The following FMN2 variants were observed in gnomAD, a reference collection of about 807,000 sequenced individuals.
FMN2 encodes the protein formin-2.
A neutral mutation model predicts 142.3 loss-of-function variants in FMN2; 51 were observed. The ratio of observed to expected loss-of-function variants is 0.36; its 90% CI spans 0.29 to 0.45. The LOEUF (loss-of-function observed/expected upper bound fraction) is 0.45, where lower values mean the gene tolerates loss of function less well. Ranked by LOEUF, FMN2 falls within the 20% of genes least tolerant of loss-of-function variation. The pLI, the probability that FMN2 is intolerant of heterozygous loss-of-function variation, is 1.00. For missense variants in FMN2, 1,936 were observed against 2,122.8 expected, an observed-to-expected ratio of 0.91 and a Z score of 1.73; for synonymous variants, 882 against 869.8, an observed-to-expected ratio of 1.01 and a Z score of -0.25.
chr1:240,218,140 G>T (rs529322705), intron 6 of FMN2, among the ~76,000 whole-genome samples: 1 of 152,094 alleles, frequency 6.6e-6, no homozygotes, highest in Admixed American at 6.6e-5. Context: ...AAAATTAGCT[G>T]GGCGTGATGG....
intron 4 of FMN2, among the ~76,000 whole-genome samples, chr1:240,199,125 A>G (rs923613222): frequency 6.6e-6 from 1 of 151,646 alleles, no homozygotes; most frequent in African/African-American, 2.4e-5. Context: ...CAAACAAAAA[A>G]CAATATGACA....
chr1:240,233,710 C>G (rs1191743716), intron 6 of FMN2, among the ~76,000 whole-genome samples: 1 of 152,034 alleles, frequency 6.6e-6, no homozygotes, highest in East Asian at 1.9e-4. Flanking sequence ...TAGGACCTTA[C>G]AAAGAATAGG....
chr1:240,127,614 A>G (rs1662567690), intron 2 of FMN2, among the ~76,000 whole-genome samples: 1 of 152,050 alleles, frequency 6.6e-6, no homozygotes, highest in Non-Finnish European at 1.5e-5. Flanking sequence ...AGTAGCTGGA[A>G]CTATAGGCAT....
Position 240,468,206 on chromosome 1 carries a change from A to ATGTGTGTG in FMN2, c.5061-4146_5061-4139dup, listed in dbSNP as rs199866888. ...AATGCATCCACTAAAATATATATAT[A>ATGTGTGTG]TGTGTGTGTGTGTGTGTGTGTGTGT... On this transcript the variant is annotated intron_variant, in intron 16 of 17. Transcript: ENST00000319653. Among the ~76,000 whole-genome samples the ATGTGTGTG allele has an allele frequency of 6.2e-3, 923 of 147,960 alleles. 24 individuals are homozygous for ATGTGTGTG. The highest frequency in any genetic ancestry group is 0.021 in the African/African-American group (835 of 39,974).
At chr1:240,212,733 G>A (rs956822046) in intron 6 of FMN2, among the ~76,000 whole-genome samples, 5 of 152,156 alleles carry the variant, frequency 3.3e-5, no homozygotes, top group African/African-American at 7.2e-5. Flanking sequence ...CTGAATCATC[G>A]TATCTCCTCT....
At chr1:240,266,226 T>A (rs1434824577) in intron 7 of FMN2, among the ~76,000 whole-genome samples, 1 of 151,926 alleles carries the variant, frequency 6.6e-6, no homozygotes, top group Non-Finnish European at 1.5e-5. Context: ...ATTGTTGCCA[T>A]CTTTATGTCC....
chr1:240,205,548 G>A (rs1162788674), intron 4 of FMN2, among the ~76,000 whole-genome samples: 4 of 134,472 alleles, frequency 3.0e-5, no homozygotes, highest in Non-Finnish European at 1.5e-5. Flanking sequence ...TGCAAGCTCC[G>A]CCTCCCAGGT....
intron 2 of FMN2, among the ~76,000 whole-genome samples, chr1:240,163,541 A>G (rs892934734): frequency 2.0e-5 from 3 of 152,074 alleles, no homozygotes; most frequent in Admixed American, 1.3e-4. Flanking sequence ...TAAAATTTAC[A>G]TGTTATATCT....
At chr1:240,107,422 A>C (rs1371326560) in intron 1 of FMN2, among the ~76,000 whole-genome samples, 8 of 152,164 alleles carry the variant, frequency 5.3e-5, no homozygotes, top group Admixed American at 5.2e-4. Context: ...CTCTTCAACC[A>C]AGTGATTTTA....
chr1:240,382,956 C>T (rs1421343025), intron 14 of FMN2, among the ~76,000 whole-genome samples: 1 of 151,998 alleles, frequency 6.6e-6, no homozygotes, highest in Non-Finnish European at 1.5e-5. Flanking sequence ...AGAAACAAAG[C>T]CACATATGTA....
chr1:240,238,333 A>G (rs933809157), intron 6 of FMN2, among the ~76,000 whole-genome samples: 1 of 152,190 alleles, frequency 6.6e-6, no homozygotes, highest in Non-Finnish European at 1.5e-5. Flanking sequence ...TATGTTTAAC[A>G]TTGTGTATCC....
chr1:240,160,913 A>C (rs1036554641), intron 2 of FMN2, among the ~76,000 whole-genome samples: 1 of 152,190 alleles, frequency 6.6e-6, no homozygotes. Flanking sequence ...ATGTAAAACC[A>C]ATGCCATTTC....
At chr1:240,123,491 T>C in intron 2 of FMN2, 146 bp downstream of exon 2, 1 of 542,626 alleles carries the variant, frequency 1.8e-6, no homozygotes, top group Non-Finnish European at 2.8e-6. Context: ...CAGCTCGGTA[T>C]GTCTGTTTGT....
In FMN2 at chr1:240,441,882, A is replaced by T. The variant is rs369774457; in HGVS notation, c.5060+3672A>T. Among the ~76,000 whole-genome samples the T allele has an allele frequency of 7.0e-4, 107 of 152,260 alleles. 3 individuals are homozygous for T. The South Asian group carries it at 0.022, about 31-fold the overall frequency. On this transcript the variant is annotated intron_variant, in intron 16 of 17. Coordinates refer to ENST00000319653, the MANE Select transcript of FMN2 (RefSeq NM_020066.5). ...AGTAATAAACATGTTTTCTTGCATAACTTGAGTTGATCATTGTAGGTAATA... is the reference window on the plus strand; with the variant it reads ...AGTAATAAACATGTTTTCTTGCATATCTTGAGTTGATCATTGTAGGTAATA...
At chr1:240,158,426 C>G (rs1411438627) in intron 2 of FMN2, among the ~76,000 whole-genome samples, 1 of 152,136 alleles carries the variant, frequency 6.6e-6, no homozygotes, top group Non-Finnish European at 1.5e-5. Context: ...ATCAATGCCA[C>G]AAGGTTGGCT....
chr1:240,463,329 G>C (rs999004103), intron 16 of FMN2, among the ~76,000 whole-genome samples: 5 of 152,176 alleles, frequency 3.3e-5, no homozygotes, highest in African/African-American at 9.6e-5. Flanking sequence ...TGCATAGAAG[G>C]GGTGGGGAAG....
intron 14 of FMN2, among the ~76,000 whole-genome samples, chr1:240,367,728 A>C (rs1672727382): frequency 7.0e-6 from 1 of 142,568 alleles, no homozygotes; most frequent in African/African-American, 2.7e-5. Flanking sequence ...AGATCACGCC[A>C]CTGCACTCTA....
intron 8 of FMN2, among the ~76,000 whole-genome samples, chr1:240,303,977 G>A (rs1670290490): frequency 6.6e-6 from 1 of 151,884 alleles, no homozygotes; most frequent in East Asian, 1.9e-4. Flanking sequence ...GTTAGTTATT[G>A]TATTTTTCAG....
At chr1:240,345,430 A>C (rs188019609) in intron 13 of FMN2, among the ~76,000 whole-genome samples, 17 of 152,292 alleles carry the variant, frequency 1.1e-4, no homozygotes, top group African/African-American at 4.1e-4. Flanking sequence ...AGAAATGAAA[A>C]TTGATTCGAT....
Sources: gnomAD v4.1 joint callset for allele counts (sites outside exome capture counted in the v4.1 genomes callset) on GRCh38, gnomAD v4.1.1 for gene constraint, MANE v1.5 for transcripts, NCBI Gene and HGNC (gene_info 2026-07-23, HGNC 2026-07-21) for gene names.